The following PPP2R2C variants were observed in gnomAD, a reference collection of about 807,000 sequenced individuals.
The protein encoded by PPP2R2C is protein phosphatase 2, regulatory subunit B, gamma.
In PPP2R2C, 10 loss-of-function variants were observed where a neutral mutation model predicts 45.3. That is an observed-to-expected ratio of 0.22 (90% CI 0.14 to 0.37). The LOEUF (loss-of-function observed/expected upper bound fraction) is 0.37. Ranked by LOEUF, PPP2R2C falls within the 10% of genes least tolerant of loss-of-function variation. The pLI is 1.00. For synonymous variants in PPP2R2C, 257 were observed against 245.4 expected, an observed-to-expected ratio of 1.05 and a Z score of -0.44; for missense variants, 308 against 619.7, an observed-to-expected ratio of 0.50 and a Z score of 5.34.
chr4:6,434,182 G>T (rs545161797), intron 1 of PPP2R2C, among the ~76,000 whole-genome samples: 1 of 151,998 alleles, frequency 6.6e-6, no homozygotes, highest in Non-Finnish European at 1.5e-5. Context: ...CTACATCAGC[G>T]CACCCTGAGC....
At position 6,378,717 on chromosome 4, in the gene PPP2R2C, G is replaced by T; in HGVS notation, c.169-145C>A. ...ATTCGAGGGTCAAATGAAACTCTCT[G>T]CAGCTTAACCGGCCCATGACTTGCA... On this transcript the variant is annotated intron_variant, in intron 2 of 8. Transcript: ENST00000382599. This position sits in a 1 kb window ranked among gnomAD's most constrained non-coding sequence, Gnocchi z 5.2. The T allele has an allele frequency of 2.2e-6, 2 of 892,036 alleles. No homozygotes were observed. Among genetic ancestry groups the T allele is most frequent in the Non-Finnish European group, 3.4e-6 (2 of 581,664 alleles). The allele number at this position is 892,036 out of a possible 1,614,324, so 55.3% of individuals were successfully genotyped here.
Position 6,396,078 on chromosome 4 carries a change from C to G in PPP2R2C, c.71-14984G>C, listed in dbSNP as rs374047121. Among the ~76,000 whole-genome samples, 519 of 152,332 alleles carry G rather than the reference C, an allele frequency of 3.4e-3. 2 individuals carry two copies. Among genetic ancestry groups the G allele is most frequent in the South Asian group, 0.02 (95 of 4,826 alleles). ...AGCATTACACACAGTGTGTGCGAAC[C>G]CTCGCGGCAGCCCTGGCAGGTGCGT... On this transcript the variant is annotated intron_variant, in intron 1 of 8. Coordinates refer to ENST00000382599, the MANE Select transcript of PPP2R2C (RefSeq NM_020416.4).
chr4:6,557,199 T>A (rs1725431173), intron 1 of PPP2R2C, among the ~76,000 whole-genome samples: 1 of 152,162 alleles, frequency 6.6e-6, no homozygotes, highest in Non-Finnish European at 1.5e-5. Flanking sequence ...TGTATTGTGG[T>A]CCTGCAGCAC....
intron 1 of PPP2R2C, among the ~76,000 whole-genome samples, chr4:6,453,608 G>C (rs1244785175): frequency 2.0e-5 from 3 of 152,030 alleles, no homozygotes; most frequent in Admixed American, 6.5e-5. Flanking sequence ...GTGTGCACCG[G>C]GTCTGGGCCC....
rs545263824 is a variant in PPP2R2C, at chr4:6,563,215, G to T, written c.-59+345C>A. Among the ~76,000 whole-genome samples the T allele has an allele frequency of 1.2e-4, 19 of 152,338 alleles. No individual in the cohort carries two copies. Among genetic ancestry groups the T allele is most frequent in the African/African-American group, 4.1e-4 (17 of 41,580 alleles). On this transcript the variant is annotated intron_variant, in intron 1 of 9. Coordinates refer to the PPP2R2C transcript ENST00000506140. This position sits in a 1 kb window ranked among gnomAD's most constrained non-coding sequence, Gnocchi z 5.8. ...ACGCTGTGGCTGACACCGGTGGAGCGATCTGCCCTGGCTCGCGCGGCGAGC... is the reference window on the plus strand; with the variant it reads ...ACGCTGTGGCTGACACCGGTGGAGCTATCTGCCCTGGCTCGCGCGGCGAGC...
intron 1 of PPP2R2C, among the ~76,000 whole-genome samples, chr4:6,461,162 T>C (rs1413199781): frequency 6.6e-6 from 1 of 152,148 alleles, no homozygotes; most frequent in African/African-American, 2.4e-5. Flanking sequence ...CCTGACCTCC[T>C]AGCCACCGCA....
At chr4:6,407,652 C>T (rs1467758851) in intron 1 of PPP2R2C, among the ~76,000 whole-genome samples, 4 of 152,280 alleles carry the variant, frequency 2.6e-5, no homozygotes, top group East Asian at 1.9e-4. Context: ...CCGCATACCT[C>T]GGCCTCCCAA....
chr4:6,535,286 G>C (rs1560608454), exon 2 of PPP2R2C: 1 of 1,535,452 alleles, frequency 6.5e-7, no homozygotes. Flanking sequence ...ACTTCCATCA[G>C]CTGAGGTGGC....
At chr4:6,372,920 A>G (rs921340359) in intron 4 of PPP2R2C, among the ~76,000 whole-genome samples, 1 of 152,232 alleles carries the variant, frequency 6.6e-6, no homozygotes, top group African/African-American at 2.4e-5. Flanking sequence ...GGGTCTGTGA[A>G]TAAGTGGCTG....
intron 1 of PPP2R2C, chr4:6,382,890 C>G: frequency 9.1e-7 from 1 of 1,096,622 alleles, no homozygotes; most frequent in Non-Finnish European, 1.1e-6. Flanking sequence ...CTCCCCTGCT[C>G]AAAACCCTCC....
At chr4:6,489,870 C>T (rs1228209314) in intron 2 of PPP2R2C, among the ~76,000 whole-genome samples, 1 of 152,092 alleles carries the variant, frequency 6.6e-6, no homozygotes, top group Non-Finnish European at 1.5e-5. Context: ...GAACTTAATA[C>T]CAAAGAGAAA....
At chr4:6,340,312 G>A (rs1308568675) in intron 6 of PPP2R2C, among the ~76,000 whole-genome samples, 1 of 152,068 alleles carries the variant, frequency 6.6e-6, no homozygotes. Context: ...TGTGGGGTGG[G>A]GCACCCCCGC....
intron 1 of PPP2R2C, among the ~76,000 whole-genome samples, chr4:6,417,667 A>G (rs538023099): frequency 1.3e-5 from 2 of 152,346 alleles, no homozygotes; most frequent in East Asian, 1.9e-4. Flanking sequence ...ACCCCAGTCC[A>G]TGGCCACATC....
rs150751314 is a variant in PPP2R2C, at chr4:6,412,363, G to A, written c.71-31269C>T. 3.5e-3 allele frequency among the ~76,000 whole-genome samples: 536 copies of A among 152,260 alleles called. 4 individuals are homozygous for A. Among genetic ancestry groups the A allele is most frequent in the African/African-American group, 0.012 (486 of 41,556 alleles). On this transcript the variant is annotated intron_variant, in intron 1 of 8. Coordinates refer to ENST00000382599, the MANE Select transcript of PPP2R2C (RefSeq NM_020416.4). ...CCCTCAAAGTAACCCCAGGGGAGGA[G>A]CCCCTGCCCTCATTTCACCAGTGAG... is the stretch of plus-strand genomic sequence containing the variant.
At chr4:6,399,749 T>C (rs1457558146) in intron 1 of PPP2R2C, among the ~76,000 whole-genome samples, 2 of 152,128 alleles carry the variant, frequency 1.3e-5, no homozygotes. Context: ...TGAGGACCGT[T>C]TAGATGTGGC....
At position 6,383,806 on chromosome 4, in the gene PPP2R2C, T is replaced by G. The variant is rs4431292; in HGVS notation, c.71-2712A>C. ...TTCACGGCTTCAAATGGTGCCTGTATGCAGTAGCCAGGCCAGAGATATCTA... is the reference window on the plus strand; with the variant it reads ...TTCACGGCTTCAAATGGTGCCTGTAGGCAGTAGCCAGGCCAGAGATATCTA... On this transcript the variant is annotated intron_variant, in intron 1 of 8. Transcript: ENST00000382599. 5 of 1,024,944 alleles carry G rather than the reference T, an allele frequency of 4.9e-6. No homozygotes were observed. In the South Asian group the frequency reaches 1.1e-4, roughly 23 times the overall value. 63.5% of individuals were successfully genotyped at this position (1,024,944 alleles called of 1,614,324 possible).
At chr4:6,530,422 C>A (rs567132590) in intron 2 of PPP2R2C, among the ~76,000 whole-genome samples, 1 of 152,286 alleles carries the variant, frequency 6.6e-6, no homozygotes, top group Admixed American at 6.5e-5. Context: ...CCCGTGAAAC[C>A]CTGGGATCCC....
At chr4:6,550,101 C>T (rs2108839150) in intron 1 of PPP2R2C, among the ~76,000 whole-genome samples, 1 of 152,248 alleles carries the variant, frequency 6.6e-6, no homozygotes, top group East Asian at 1.9e-4. Context: ...CGGGCCTGGG[C>T]CCCAGTCTCA....
At chr4:6,391,629 G>A (rs1052749294) in intron 1 of PPP2R2C, among the ~76,000 whole-genome samples, 6 of 152,234 alleles carry the variant, frequency 3.9e-5, no homozygotes, top group Non-Finnish European at 5.9e-5. Context: ...AGGTGAAATG[G>A]GAAGCTGAAA....
Sources: gnomAD v4.1 joint callset for allele counts (sites outside exome capture counted in the v4.1 genomes callset) on GRCh38, gnomAD v4.1.1 for gene constraint, Gnocchi (gnomAD v3.1) non-coding constraint, MANE v1.5 for transcripts, NCBI Gene and HGNC (gene_info 2026-07-23, HGNC 2026-07-21) for gene names.